SLIT3: variants seen among roughly 807,000 people sequenced by gnomAD.
The protein encoded by SLIT3 is slit homolog 3 protein.
Under a neutral mutation model 184.0 loss-of-function variants are expected in SLIT3, and 68 were observed. That is an observed-to-expected ratio of 0.37 (90% confidence interval 0.30 to 0.45). The LOEUF (loss-of-function observed/expected upper bound fraction) is 0.45, where lower values mean the gene tolerates loss of function less well. Ranked by LOEUF, SLIT3 falls within the 20% of genes least tolerant of loss-of-function variation. The pLI is 1.00. For missense variants in SLIT3, 1,707 were observed against 2,026.0 expected, an observed-to-expected ratio of 0.84 and a Z score of 3.02; for synonymous variants, 831 against 828.6, an observed-to-expected ratio of 1.00 and a Z score of -0.05.
chr5:168,862,659 T>TTTTTG lies in SLIT3; in HGVS notation c.486-18005_486-18004insCAAAA, dbSNP rs1554150189. ...AGATCACTCAATAGAACATTGGTTTTTTTGTTTGTTTGTTTGTTGTTTTTT... is the reference window on the plus strand; with the variant it reads ...AGATCACTCAATAGAACATTGGTTTTTTTTGTTTGTTTGTTTGTTTGTTGTTTTTT... On this transcript the variant is annotated intron_variant, in intron 5 of 35. Coordinates refer to ENST00000519560, the MANE Select transcript of SLIT3 (RefSeq NM_003062.4). Among the ~76,000 whole-genome samples, 1,006 of 149,586 alleles carry TTTTTG rather than the reference T, an allele frequency of 6.7e-3. 11 individuals are homozygous for TTTTTG. Among genetic ancestry groups the TTTTTG allele is most frequent in the African/African-American group, 0.024 (943 of 39,066 alleles).
chr5:168,856,804 T>TGTGC (rs778424976), intron 5 of SLIT3, among the ~76,000 whole-genome samples: 1 of 138,204 alleles, frequency 7.2e-6, no homozygotes, highest in Non-Finnish European at 1.6e-5. Context: ...TGTGTGTGTG[T>TGTGC]GTGCGCGCGC....
At chr5:168,763,102 T>C (rs1402525129) in intron 14 of SLIT3, among the ~76,000 whole-genome samples, 3 of 152,164 alleles carry the variant, frequency 2.0e-5, no homozygotes, top group Non-Finnish European at 4.4e-5. Flanking sequence ...CCTCTAAATG[T>C]TCATGAAAAT....
intron 4 of SLIT3, among the ~76,000 whole-genome samples, chr5:168,961,905 T>C (rs1311216133): frequency 6.6e-6 from 1 of 151,518 alleles, no homozygotes; most frequent in Non-Finnish European, 1.5e-5. Context: ...AGACAGAGAA[T>C]TGGTCAAAGC....
At chr5:169,047,380 C>G (rs1348495058) in intron 4 of SLIT3, among the ~76,000 whole-genome samples, 2 of 152,200 alleles carry the variant, frequency 1.3e-5, no homozygotes, top group Non-Finnish European at 2.9e-5. Flanking sequence ...CCTTTTGAAT[C>G]TAACCATTCA....
chr5:168,858,572 A>G (rs796482885), intron 5 of SLIT3, among the ~76,000 whole-genome samples: 14 of 152,014 alleles, frequency 9.2e-5, no homozygotes, highest in African/African-American at 3.4e-4. Flanking sequence ...CTATCCACAA[A>G]CTCCCCTGCA....
At chr5:169,275,997 G>A (rs1483964094) in intron 1 of SLIT3, among the ~76,000 whole-genome samples, 2 of 152,128 alleles carry the variant, frequency 1.3e-5, no homozygotes, top group Non-Finnish European at 2.9e-5. Flanking sequence ...ATGTCTGTGT[G>A]TATGTCAGTG....
chr5:168,941,734 C>G (rs906751442), intron 4 of SLIT3, among the ~76,000 whole-genome samples: 1 of 152,108 alleles, frequency 6.6e-6, no homozygotes, highest in Non-Finnish European at 1.5e-5. Context: ...GGAGTTGGAC[C>G]AAAGGAAGGT....
rs184251355 is a variant in SLIT3 at position 169,013,786 on chromosome 5, C to T, written c.414-130450G>A. Among the ~76,000 whole-genome samples the T allele has an allele frequency of 7.6e-4, 116 of 152,286 alleles. 4 individuals are homozygous for T. In the East Asian group the frequency reaches 0.018, roughly 24 times the overall value. On this transcript the variant is annotated intron_variant, in intron 4 of 35. Transcript: ENST00000519560. Reference sequence around the variant, plus strand: ...TCTGCTCAAATATTCATTCACCTGCCCTCCAAACCTACAGTTACTTACCTC... The same window carrying T: ...TCTGCTCAAATATTCATTCACCTGCTCTCCAAACCTACAGTTACTTACCTC...
At chr5:169,147,473 A>G (rs1443334004) in intron 4 of SLIT3, among the ~76,000 whole-genome samples, 1 of 152,086 alleles carries the variant, frequency 6.6e-6, no homozygotes, top group Non-Finnish European at 1.5e-5. Flanking sequence ...GTTAGCCAGG[A>G]TGGTCTCAAT....
At chr5:169,238,049 C>T (rs1765262067) in intron 3 of SLIT3, among the ~76,000 whole-genome samples, 1 of 152,128 alleles carries the variant, frequency 6.6e-6, no homozygotes. Flanking sequence ...TCTGGGCTCG[C>T]TATTCTGTCC....
chr5:168,797,575 A>C (rs962732109), intron 9 of SLIT3, among the ~76,000 whole-genome samples: 25 of 152,176 alleles, frequency 1.6e-4, no homozygotes, highest in Admixed American at 6.5e-4. Context: ...GAATTGAGGG[A>C]GAGACTAATC....
chr5:169,169,038 G>GGA (rs1762733476), intron 4 of SLIT3, among the ~76,000 whole-genome samples: 1 of 37,816 alleles, frequency 2.6e-5, no homozygotes, highest in Non-Finnish European at 9.1e-5. Context: ...AGCCCAGAGT[G>GGA]GGGGGGGGAT....
chr5:168,937,141 G>A (rs1373095987), intron 4 of SLIT3, among the ~76,000 whole-genome samples: 1 of 152,026 alleles, frequency 6.6e-6, no homozygotes, highest in Non-Finnish European at 1.5e-5. Flanking sequence ...ATGAAGCCTT[G>A]GAGTAGGAAG....
chr5:168,988,938 G>C (rs537305583), intron 4 of SLIT3, among the ~76,000 whole-genome samples: 26 of 152,214 alleles, frequency 1.7e-4, no homozygotes, highest in African/African-American at 5.8e-4. Flanking sequence ...TGCAGAAAGT[G>C]AAAGTTTCTG....
chr5:168,735,106 C>G (rs139183218), intron 20 of SLIT3, among the ~76,000 whole-genome samples: 214 of 152,292 alleles, frequency 1.4e-3, no homozygotes, highest in African/African-American at 4.8e-3. Context: ...TGCCCTCTTG[C>G]CCCACCAGCC....
chr5:168,737,079 A>G (rs1763461537), intron 20 of SLIT3, among the ~76,000 whole-genome samples: 1 of 152,148 alleles, frequency 6.6e-6, no homozygotes, highest in Non-Finnish European at 1.5e-5. Context: ...TAGGCAGGAC[A>G]TTCTTGCTTG....
At chr5:168,735,043 A>G (rs2113409120) in intron 20 of SLIT3, among the ~76,000 whole-genome samples, 1 of 152,268 alleles carries the variant, frequency 6.6e-6, no homozygotes, top group East Asian at 1.9e-4. Context: ...TCTGAACTCC[A>G]AAGTTGTCTG....
Position 168,897,150 on chromosome 5 carries a change from C to T in SLIT3, c.414-13814G>A, listed in dbSNP as rs559382321. 3.3e-5 allele frequency among the ~76,000 whole-genome samples: 5 copies of T among 151,602 alleles called. No individual in the cohort carries two copies. In the East Asian group the frequency reaches 5.8e-4, roughly 18 times the overall value. ...TAGGGTGACTACTATGTACCCAGGG[C>T]GTTAGGCATTGCAGGTCAACACTAA... On this transcript the variant is annotated intron_variant, in intron 4 of 35. Coordinates refer to ENST00000519560, the MANE Select transcript of SLIT3 (RefSeq NM_003062.4).
At chr5:168,704,720 T>G (rs1157099152) in intron 26 of SLIT3, among the ~76,000 whole-genome samples, 1 of 152,154 alleles carries the variant, frequency 6.6e-6, no homozygotes, top group African/African-American at 2.4e-5. Flanking sequence ...TACACAGTGA[T>G]TCCTGTGCTT....
Sources: gnomAD v4.1 joint callset for allele counts (sites outside exome capture counted in the v4.1 genomes callset) on GRCh38, gnomAD v4.1.1 for gene constraint, MANE v1.5 for transcripts, NCBI Gene and HGNC (gene_info 2026-07-23, HGNC 2026-07-21) for gene names.